The following NEMF variants were observed in gnomAD, a reference collection of about 807,000 sequenced individuals.
NEMF encodes the protein nuclear export mediator factor.
Under a neutral mutation model 162.2 loss-of-function variants are expected in NEMF, and 89 were observed. The observed-to-expected ratio is 0.55, with a 90% CI of 0.46 to 0.65. The LOEUF is 0.65. Among genes scored for constraint, NEMF ranks in the 30% least tolerant of loss-of-function variants. The pLI is 0.00. For missense variants in NEMF, 1,133 were observed against 1,261.9 expected (o/e 0.90, Z 1.55); for synonymous variants, 421 against 404.5 (o/e 1.04, Z -0.49).
chr14:49,825,694 C>A (rs1164689644), intron 16 of NEMF, among the ~76,000 whole-genome samples, 173 bp downstream of exon 16: 1 of 152,206 alleles, frequency 6.6e-6, no homozygotes, highest in African/African-American at 2.4e-5. Context: ...CATGTTCATG[C>A]CACTGTATTC....
At position 49,851,683 on chromosome 14, in the gene NEMF, C is replaced by T; in HGVS notation, c.129-18G>A. On this transcript the variant is annotated intron_variant, in intron 2 of 32. Transcript: ENST00000298310. Reference sequence around the variant, plus strand: ...AGTCCGGTCTGTAGAAGAAAAAAGTCGAATTTTTCTTTAGGGTATATGCCA... The same window carrying T: ...AGTCCGGTCTGTAGAAGAAAAAAGTTGAATTTTTCTTTAGGGTATATGCCA... The T allele has an allele frequency of 6.2e-7, 1 of 1,600,870 alleles. No individual in the cohort carries two copies. The highest frequency in any genetic ancestry group is 8.6e-7 in the Non-Finnish European group (1 of 1,168,540).
Position 49,785,581 on chromosome 14 carries a change from T to TA in NEMF, c.2929-262dup, listed in dbSNP as rs1241488811. ...TAATTTTCAAAATCCTACCTACAGT[T>TA]ACATTTAAGAGAAAGAAGGCCCAGG... On this transcript the variant is annotated intron_variant, in intron 29 of 32. Coordinates refer to ENST00000298310, the MANE Select transcript of NEMF (RefSeq NM_004713.6). 71 of 372,236 alleles carry TA rather than the reference T, an allele frequency of 1.9e-4. No homozygotes were observed. In the Admixed American group the frequency reaches 2.7e-3, roughly 14 times the overall value. The allele number at this position is 372,236 out of a possible 1,614,324, so 23.1% of individuals were successfully genotyped here.
At chr14:49,808,756 C>G (rs1351446131) in intron 18 of NEMF, among the ~76,000 whole-genome samples, 3 of 150,750 alleles carry the variant, frequency 2.0e-5, no homozygotes, top group Non-Finnish European at 1.5e-5. Context: ...CACTGACTGG[C>G]AGAAAATACT....
intron 4 of NEMF, 139 bp downstream of exon 4, chr14:49,846,001 T>C: frequency 3.1e-6 from 2 of 637,012 alleles, no homozygotes; most frequent in Non-Finnish European, 5.2e-6. Context: ...TTTTATTTTA[T>C]TTGTGTGGCA....
intron 22 of NEMF, chr14:49,801,629 C>A (rs148338902): frequency 6.6e-6 from 1 of 152,106 alleles, no homozygotes; most frequent in Admixed American, 6.6e-5. Context: ...AGAGGAATGA[C>A]CTTAGCAGAG....
rs1407417231 is a variant in NEMF, at chr14:49,785,339, A to G, written c.2929-19T>C. On this transcript the variant is annotated intron_variant, in intron 29 of 32. Coordinates refer to ENST00000298310, the MANE Select transcript of NEMF (RefSeq NM_004713.6). The stretch of plus-strand genomic sequence containing the variant: ...GGTTTTCCTAAAAAGGGAAAATAAC[A>G]GTTACAAAGGCAATTTATACCGCCC... The G allele has an allele frequency of 1.3e-6, 2 of 1,575,948 alleles. No homozygotes were observed. Among genetic ancestry groups the G allele is most frequent in the Non-Finnish European group, 8.7e-7 (1 of 1,145,534 alleles).
At chr14:49,831,715 G>C (rs1480380563) in intron 10 of NEMF, among the ~76,000 whole-genome samples, 1 of 152,058 alleles carries the variant, frequency 6.6e-6, no homozygotes, top group Non-Finnish European at 1.5e-5. Context: ...GAGATTATAG[G>C]CATGAGCCAG....
At chr14:49,829,765 C>T (rs182269097) in intron 11 of NEMF, among the ~76,000 whole-genome samples, 1 of 152,136 alleles carries the variant, frequency 6.6e-6, no homozygotes, top group African/African-American at 2.4e-5. Context: ...TTTGGGAGAA[C>T]GAATTCTTTA....
At chr14:49,817,918 T>G (rs1178874618) in intron 16 of NEMF, among the ~76,000 whole-genome samples, 1 of 152,150 alleles carries the variant, frequency 6.6e-6, no homozygotes, top group Non-Finnish European at 1.5e-5. Flanking sequence ...ACTTGTTTTA[T>G]GAGGCAATAT....
intron 15 of NEMF, among the ~76,000 whole-genome samples, chr14:49,827,568 G>A (rs1594780443): frequency 2.0e-5 from 3 of 152,300 alleles, no homozygotes; most frequent in African/African-American, 7.2e-5. Context: ...GGAGGCCGAA[G>A]GTCAAGGCCT....
At chr14:49,820,518 C>T (rs375145621) in intron 16 of NEMF, 15 of 456,372 alleles carry the variant, frequency 3.3e-5, no homozygotes, top group African/African-American at 1.6e-4. Context: ...CCTATAATCC[C>T]GGCACTTTGG....
At position 49,813,994 on chromosome 14, in the gene NEMF, G is replaced by A. The variant is rs1566673615; in HGVS notation, c.1738C>T (p.Pro580Ser). 1 of 1,493,798 alleles carries A rather than the reference G, an allele frequency of 6.7e-7. No homozygotes were observed. The highest frequency in any genetic ancestry group is 9.3e-7 in the Non-Finnish European group (1 of 1,070,466). 92.5% of individuals were successfully genotyped at this position (1,493,798 alleles called of 1,614,324 possible). A position where few individuals can be genotyped will look rare whatever the true frequency, so the allele number is the denominator to read the frequency against. The change falls in exon 18 of 33, where the codon CCA becomes TCA. Residue 580 changes from proline (P) to serine (S), a missense_variant. Pro to Ser is a moderately conservative substitution (Grantham distance 74). Around this residue, in one of 3 missense-constraint regions of NEMF, gnomAD observed 19 missense variants for 51.8 expected, o/e 0.37. Coordinates refer to ENST00000298310, the MANE Select transcript of NEMF (RefSeq NM_004713.6). ...ATAGAAAGAAATATATTACCTGTTGGATTCTTAATTACACAGCTAGTAGCT... is the reference window on the plus strand; with the variant it reads ...ATAGAAAGAAATATATTACCTGTTGAATTCTTAATTACACAGCTAGTAGCT... Reference protein sequence around the residue: ...HGATSCVIKNPTGEPIPPRTL... With the variant: ...HGATSCVIKNSTGEPIPPRTL...
In NEMF at chr14:49,826,495, C is replaced by G. The variant is rs922991162; in HGVS notation, c.1489-540G>C. On this transcript the variant is annotated intron_variant, in intron 15 of 32. Transcript: ENST00000298310. ...GACATTTAAGCTGAATCCTCAACGA[C>G]TAACGGGGTTATCAGGCAAAGAATA... 3.6e-5 allele frequency among the ~76,000 whole-genome samples: 5 copies of G among 137,708 alleles called. 1 individual carries two copies. The highest frequency in any genetic ancestry group is 1.4e-4 in the African/African-American group (5 of 36,378). 90.3% of individuals were successfully genotyped at this position (137,708 alleles called of 152,430 possible). A position where few individuals can be genotyped will look rare whatever the true frequency, so the allele number is the denominator to read the frequency against.
intron 15 of NEMF, 54 bp downstream of exon 15, chr14:49,828,237 A>G: frequency 1.7e-6 from 2 of 1,170,880 alleles, no homozygotes; most frequent in South Asian, 1.2e-5. Context: ...AATTATGTCC[A>G]TTAAATTACG....
chr14:49,842,017 A>G (rs1893236480), intron 4 of NEMF, among the ~76,000 whole-genome samples: 1 of 152,066 alleles, frequency 6.6e-6, no homozygotes, highest in South Asian at 2.1e-4. Context: ...AGGCAGGAGA[A>G]TGGCTTGAAC....
chr14:49,845,374 G>A (rs966938177), intron 4 of NEMF, among the ~76,000 whole-genome samples: 1 of 152,204 alleles, frequency 6.6e-6, no homozygotes, highest in Non-Finnish European at 1.5e-5. Context: ...CTCCCAAAAT[G>A]CTAGGATTAC....
chr14:49,837,496 AAAAAAATAAATTAAAAAAGAAAAGAAAT>A (rs1487379821), intron 6 of NEMF, among the ~76,000 whole-genome samples: 19 of 152,226 alleles, frequency 1.2e-4, no homozygotes, highest in African/African-American at 3.9e-4. Flanking sequence ...AAAACAAACA[AAAAAAATAAATTAAAAAAGAAAAGAAAT>A]TTGCATTTGC....
rs1226631650 is a variant in NEMF at position 49,833,453 on chromosome 14, A to T, written c.705T>A (p.Tyr235Ter). ...CACTGAAGTTGGATGTTGTTTTCAT[A>T]TAGTCTTCTGCTTTCTGCAGAGAAA... ...VLVSLQKAED[Y>*]MKTTSNFSGK... The change falls in exon 8 of 33, where the codon TAT (tyrosine) becomes TAA (stop). Residue 235 changes from tyrosine (Y) to a stop codon, truncating the protein, a stop_gained. Coordinates refer to ENST00000298310, the MANE Select transcript of NEMF (RefSeq NM_004713.6). LOFTEE classifies it high-confidence loss of function. 1.3e-6 allele frequency: 2 copies of T among 1,588,248 alleles called. No homozygotes were observed.
At chr14:49,838,794 C>T (rs993968290) in intron 5 of NEMF, among the ~76,000 whole-genome samples, 13 of 152,022 alleles carry the variant, frequency 8.6e-5, no homozygotes, top group Non-Finnish European at 4.4e-5. Context: ...CCGTGTTAGC[C>T]AGGATGGTCT....
Sources: allele counts gnomAD v4.1 joint callset (sites outside exome capture counted in the v4.1 genomes callset), GRCh38; gene constraint gnomAD v4.1.1; regional missense constraint gnomAD v4.1.1; transcripts MANE v1.5; gene names NCBI Gene and HGNC (gene_info 2026-07-23, HGNC 2026-07-21).